The following MPRIP variants were observed in gnomAD, a reference collection of about 807,000 sequenced individuals.
MPRIP encodes the protein myosin phosphatase Rho-interacting protein.
A neutral mutation model predicts 234.9 loss-of-function variants in MPRIP; 59 were observed. That is an observed-to-expected ratio of 0.25 (90% CI 0.20 to 0.31). The LOEUF (loss-of-function observed/expected upper bound fraction) is 0.31, where lower values mean the gene tolerates loss of function less well. MPRIP is among the 10% of genes least tolerant of loss of function. The pLI is 1.00. For missense variants in MPRIP, 2,436 were observed against 3,071.0 expected (o/e 0.79, Z 4.89); for synonymous variants, 1,144 against 1,263.9 (o/e 0.91, Z 2.01).
intron 3 of MPRIP, among the ~76,000 whole-genome samples, chr17:17,118,386 A>G (rs1453523888): frequency 2.0e-5 from 3 of 152,200 alleles, no homozygotes; most frequent in Non-Finnish European, 2.9e-5. Flanking sequence ...TGTAGCATGC[A>G]GGTTTCATGT....
At chr17:17,096,145 A>G (rs868727939) in intron 3 of MPRIP, among the ~76,000 whole-genome samples, 2 of 152,136 alleles carry the variant, frequency 1.3e-5, no homozygotes, top group African/African-American at 4.8e-5. Flanking sequence ...GGTGTCCATC[A>G]TGGGCATATC....
At chr17:17,080,908 G>T (rs4275916) in intron 3 of MPRIP, among the ~76,000 whole-genome samples, 12,574 of 152,184 alleles carry the variant, frequency 0.083, 734 homozygotes, top group East Asian at 0.17. Context: ...GAGGTCTACG[G>T]GGTTCCCCTG....
chr17:17,071,074 A>G (rs2089181089), intron 1 of MPRIP, among the ~76,000 whole-genome samples: 1 of 152,170 alleles, frequency 6.6e-6, no homozygotes, highest in South Asian at 2.1e-4. Context: ...ACACCCTAGC[A>G]TGGAGCAAGA....
At chr17:17,102,864 T>A (rs1259868804) in intron 3 of MPRIP, among the ~76,000 whole-genome samples, 1 of 152,216 alleles carries the variant, frequency 6.6e-6, no homozygotes, top group East Asian at 1.9e-4. Flanking sequence ...GGCAGCTCCA[T>A]GTAATTCTTC....
At chr17:17,139,567 C>T (rs1214746717) in intron 7 of MPRIP, among the ~76,000 whole-genome samples, 4 of 152,182 alleles carry the variant, frequency 2.6e-5, no homozygotes, top group Admixed American at 6.5e-5. Flanking sequence ...GAGTTAGAGA[C>T]GCTACCAGGA....
intron 6 of MPRIP, among the ~76,000 whole-genome samples, chr17:17,137,331 T>C (rs2090722185): frequency 6.6e-6 from 1 of 151,988 alleles, no homozygotes; most frequent in African/African-American, 2.4e-5. Flanking sequence ...CTGGCCAACA[T>C]AGTGAAATCC....
chr17:17,142,785 C>CAGCA lies in MPRIP; in HGVS notation c.1389+21_1389+24dup, dbSNP rs762627702. 1 of 1,610,152 alleles carries CAGCA rather than the reference C, an allele frequency of 6.2e-7. No homozygotes were observed. Among genetic ancestry groups the CAGCA allele is most frequent in the South Asian group, 1.1e-5 (1 of 90,658 alleles). ...AAGCGGGTGAGCTCCTGGGGCTGGG[C>CAGCA]AGCACCTCAGGGGTGGCTCGGGGGC... On this transcript the variant is annotated intron_variant, in intron 8 of 23. Coordinates refer to ENST00000651222, the MANE Select transcript of MPRIP (RefSeq NM_001364716.4).
intron 15 of MPRIP, among the ~76,000 whole-genome samples, chr17:17,161,567 G>A (rs1265340375): frequency 1.3e-5 from 2 of 152,172 alleles, no homozygotes; most frequent in African/African-American, 4.8e-5. Context: ...ACATTTTGGG[G>A]AATCTCCCTG....
At chr17:17,064,337 G>T (rs1217406834) in intron 1 of MPRIP, among the ~76,000 whole-genome samples, 1 of 152,072 alleles carries the variant, frequency 6.6e-6, no homozygotes, top group Non-Finnish European at 1.5e-5. Flanking sequence ...AAGTAGCTGG[G>T]ACTACAGGTG....
At chr17:17,088,827 G>C (rs1460418911) in intron 3 of MPRIP, among the ~76,000 whole-genome samples, 1 of 152,230 alleles carries the variant, frequency 6.6e-6, no homozygotes, top group Non-Finnish European at 1.5e-5. Flanking sequence ...CCTGGCCTCT[G>C]CAAGACTGTT....
intron 15 of MPRIP, among the ~76,000 whole-genome samples, chr17:17,162,377 T>A (rs1236616857): frequency 6.6e-6 from 1 of 152,262 alleles, no homozygotes; most frequent in African/African-American, 2.4e-5. Context: ...GTCTGAGTTG[T>A]CCCAGGCAGC....
chr17:17,088,739 C>G (rs1597785113), intron 3 of MPRIP, among the ~76,000 whole-genome samples: 1 of 152,198 alleles, frequency 6.6e-6, no homozygotes, highest in Non-Finnish European at 1.5e-5. Context: ...ATATCATGTC[C>G]AAAAACAGTC....
rs747754414 is a variant in MPRIP at position 17,166,063 on chromosome 17, G to C, written c.4472G>C (p.Arg1491Thr). ...CGAGAACAACTGAGATCTCTGCCTAGGGCCAGCCAGGAGGATGAGCAGGAC... is the reference window on the plus strand; with the variant it reads ...CGAGAACAACTGAGATCTCTGCCTACGGCCAGCCAGGAGGATGAGCAGGAC... ...NCREQLRSLP[R>T]ASQEDEQDAR... Residue 1491 changes from arginine (R) to threonine (T), a missense_variant, in exon 16 of 24, where the codon AGG (arginine) becomes ACG (threonine). Arg to Thr is a moderately conservative substitution (Grantham distance 71). Around this residue, in one of 4 missense-constraint regions of MPRIP, gnomAD observed 1,998 missense variants for 2,520.3 expected, o/e 0.79. Transcript: ENST00000651222. The surrounding 1 kb of genome is among the most constrained non-coding windows in gnomAD (Gnocchi z 4.4). 4 of 1,301,548 alleles carry C rather than the reference G, an allele frequency of 3.1e-6. No individual in the cohort carries two copies. The highest frequency in any genetic ancestry group is 2.1e-4 in the Middle Eastern group (1 of 4,704). 80.6% of individuals were successfully genotyped at this position (1,301,548 alleles called of 1,614,324 possible). A position where few individuals can be genotyped will look rare whatever the true frequency, so the allele number is the denominator to read the frequency against.
rs372097335 is a variant in MPRIP at position 17,171,852 on chromosome 17, G to T, written c.6459G>T (p.Ala2153=). The change falls in exon 17 of 24, where the codon GCG becomes GCT. Residue 2153 remains alanine (A), a synonymous_variant. Coordinates refer to ENST00000651222, the MANE Select transcript of MPRIP (RefSeq NM_001364716.4). ...ACCGCCTCCTAGCCGAGGAGACAGC[G>T]GCCACCATCTCAGGTTGGGGGGTGG... ...EKDRLLAEET[A]ATISAIEAMK... 6.2e-7 allele frequency: 1 copy of T among 1,610,266 alleles called. No homozygotes were observed. The highest frequency in any genetic ancestry group is 1.4e-5 in the African/African-American group (1 of 73,112).
intron 16 of MPRIP, among the ~76,000 whole-genome samples, chr17:17,169,406 G>C (rs1044374325): frequency 6.6e-6 from 1 of 152,214 alleles, no homozygotes; most frequent in African/African-American, 2.4e-5. Context: ...GGCTGCTTTA[G>C]GTTAGCCAAC....
intron 23 of MPRIP, chr17:17,183,059 A>G (rs1434385541): frequency 6.6e-6 from 1 of 152,314 alleles, no homozygotes; most frequent in African/African-American, 2.4e-5. Flanking sequence ...GGAAGCAGGC[A>G]TGGGTGTTGA....
At chr17:17,057,174 G>T (rs2088725348) in intron 1 of MPRIP, among the ~76,000 whole-genome samples, 1 of 152,208 alleles carries the variant, frequency 6.6e-6, no homozygotes, top group Admixed American at 6.5e-5. Context: ...GGGTGGGAGG[G>T]CTATGGGTGG....
chr17:17,108,705 G>A (rs1011589214), intron 3 of MPRIP, among the ~76,000 whole-genome samples: 6 of 152,192 alleles, frequency 3.9e-5, no homozygotes, highest in Non-Finnish European at 7.3e-5. Context: ...CCGGGAGGGT[G>A]CTGGGGGTGG....
At chr17:17,180,568 A>T (rs2046352082) in intron 23 of MPRIP, 1 of 1,585,328 alleles carries the variant, frequency 6.3e-7, no homozygotes, top group African/African-American at 1.3e-5. Flanking sequence ...TGTGTTTGGG[A>T]TTGGTTGTGT....
Sources: gnomAD v4.1 joint callset for allele counts (sites outside exome capture counted in the v4.1 genomes callset) on GRCh38, gnomAD v4.1.1 for gene constraint, gnomAD v4.1.1 regional missense constraint, Gnocchi (gnomAD v3.1) non-coding constraint, MANE v1.5 for transcripts, NCBI Gene and HGNC (gene_info 2026-07-23, HGNC 2026-07-21) for gene names.